Variants in AK7 observed in about 807,000 individuals in gnomAD.
AK7 encodes adenylate kinase 7.
AK7 carries 78 observed loss-of-function variants against 96.6 expected under a neutral mutation model. The observed-to-expected ratio is 0.81, with a 90% CI of 0.67 to 0.97. The LOEUF (loss-of-function observed/expected upper bound fraction) is 0.97, where lower values mean the gene tolerates loss of function less well. Ranked by LOEUF, AK7 falls within the 50% of genes least tolerant of loss-of-function variation. The pLI, the probability that AK7 is intolerant of heterozygous loss-of-function variation, is 0.00. For synonymous variants in AK7, 302 were observed against 317.2 expected (o/e 0.95, Z 0.51); for missense variants, 855 against 887.9 (o/e 0.96, Z 0.47).
rs1566792031 is a variant in AK7 at position 96,449,893 on chromosome 14, G to C, written c.948+14G>C. On this transcript the variant is annotated intron_variant, in intron 9 of 17. Coordinates refer to ENST00000267584, the MANE Select transcript of AK7 (RefSeq NM_152327.5). ...AAGGACTTAACGGTTAGTATATGCG[G>C]TGTTTTTTTTTTTTTAACTATCTTT... The C allele has an allele frequency of 5.0e-6, 7 of 1,393,950 alleles. No homozygotes were observed. In the Middle Eastern group the frequency reaches 6.3e-4, roughly 126 times the overall value. The allele number at this position is 1,393,950 out of a possible 1,614,324, so 86.3% of individuals were successfully genotyped here. A position where few individuals can be genotyped will look rare whatever the true frequency, so the allele number is the denominator to read the frequency against.
intron 2 of AK7, among the ~76,000 whole-genome samples, chr14:96,401,636 C>A (rs1890414668): frequency 6.6e-6 from 1 of 152,106 alleles, no homozygotes; most frequent in Non-Finnish European, 1.5e-5. Context: ...GCTTCAGCGG[C>A]ACATATGCTC....
Position 96,483,045 on chromosome 14 carries a change from G to A in AK7, c.1800G>A (p.Gln600=), listed in dbSNP as rs1444563657. Reference sequence around the variant, plus strand: ...CTCAGAATAGACTTGCTATCAAACAGCTCATCAAAGAGATTGGGGAGCCTC... The same window carrying A: ...CTCAGAATAGACTTGCTATCAAACAACTCATCAAAGAGATTGGGGAGCCTC... ...EDAQNRLAIK[Q]LIKEIGEPRN... Residue 600 remains glutamine (Q), a synonymous_variant, in exon 16 of 18, where the codon CAG becomes CAA. Transcript: ENST00000267584. 6 of 1,614,192 alleles carry A rather than the reference G, an allele frequency of 3.7e-6. No individual in the cohort carries two copies. Among genetic ancestry groups the A allele is most frequent in the Non-Finnish European group, 5.1e-6 (6 of 1,180,032 alleles).
At chr14:96,428,691 A>G (rs909737673) in intron 5 of AK7, among the ~76,000 whole-genome samples, 3 of 152,058 alleles carry the variant, frequency 2.0e-5, no homozygotes, top group Non-Finnish European at 4.4e-5. Context: ...TGTGGTTTTG[A>G]TTTGCATTTC....
At chr14:96,457,580 T>G (rs1566797498) in intron 11 of AK7, among the ~76,000 whole-genome samples, 1 of 152,278 alleles carries the variant, frequency 6.6e-6, no homozygotes, top group East Asian at 1.9e-4. Flanking sequence ...AAATTTAGTC[T>G]GCCTCCAGCT....
chr14:96,463,517 A>G (rs1333010854), intron 12 of AK7, among the ~76,000 whole-genome samples: 1 of 151,976 alleles, frequency 6.6e-6, no homozygotes, highest in Non-Finnish European at 1.5e-5. Flanking sequence ...CAGGAGATCG[A>G]CACCATCCTG....
chr14:96,451,249 A>G (rs1255439926), intron 9 of AK7, among the ~76,000 whole-genome samples, 172 bp from the exon 10 acceptor site: 1 of 152,224 alleles, frequency 6.6e-6, no homozygotes, highest in Non-Finnish European at 1.5e-5. Context: ...ACTGTTTAGA[A>G]GTAACGTAGT....
intron 12 of AK7, 124 bp downstream of exon 12, chr14:96,458,336 C>G: frequency 1.3e-5 from 17 of 1,288,936 alleles, no homozygotes; most frequent in Non-Finnish European, 1.7e-5. Flanking sequence ...TGGCTCATGC[C>G]TGTAATCCCA....
At position 96,472,671 on chromosome 14, in the gene AK7, T is replaced by C. The variant is rs1894963580; in HGVS notation, c.1487-16T>C. 6.3e-7 allele frequency: 1 copy of C among 1,599,406 alleles called. No homozygotes were observed. Among genetic ancestry groups the C allele is most frequent in the Admixed American group, 1.7e-5 (1 of 59,936 alleles). ...ATATATTAATAAACACAATGAGGAA[T>C]ATTTTGTTTTCTTAGAGGAAGATGA... On this transcript the variant is annotated splice_polypyrimidine_tract_variant and intron_variant, in intron 13 of 17. Transcript: ENST00000267584.
At chr14:96,400,921 C>A (rs1890372477) in intron 2 of AK7, among the ~76,000 whole-genome samples, 1 of 152,202 alleles carries the variant, frequency 6.6e-6, no homozygotes, top group Non-Finnish European at 1.5e-5. Context: ...CGAATAGTGT[C>A]TTTTATCCCG....
intron 7 of AK7, among the ~76,000 whole-genome samples, chr14:96,443,922 C>T (rs1159758077): frequency 6.6e-6 from 1 of 151,730 alleles, no homozygotes; most frequent in Non-Finnish European, 1.5e-5. Context: ...TACAGGCACC[C>T]GCCACCATGC....
At chr14:96,455,702 C>G (rs986934771) in intron 10 of AK7, among the ~76,000 whole-genome samples, 1 of 152,166 alleles carries the variant, frequency 6.6e-6, no homozygotes, top group African/African-American at 2.4e-5. Flanking sequence ...TGAGTTGTTC[C>G]TGATACATCT....
intron 12 of AK7, among the ~76,000 whole-genome samples, chr14:96,467,163 T>G (rs2140145831): frequency 6.6e-6 from 1 of 152,334 alleles, no homozygotes; most frequent in African/African-American, 2.4e-5. Context: ...GTAAAATATT[T>G]TAAACAAGTC....
chr14:96,397,087 ACT>A lies in AK7; in HGVS notation c.106-985_106-984del, dbSNP rs758222563. The stretch of plus-strand genomic sequence containing the variant: ...ACTCCAGCCTGAGCAACAGAATGAG[ACT>A]CTGTCTCAAAAAAAGAAATGTCGCT... On this transcript the variant is annotated intron_variant, in intron 1 of 17. Transcript: ENST00000267584. Among the ~76,000 whole-genome samples the A allele has an allele frequency of 6.6e-5, 10 of 152,244 alleles. No individual in the cohort carries two copies. In the South Asian group the frequency reaches 8.3e-4, roughly 13 times the overall value.
intron 14 of AK7, among the ~76,000 whole-genome samples, chr14:96,475,950 G>A (rs1260025570): frequency 6.7e-6 from 1 of 150,024 alleles, no homozygotes; most frequent in Non-Finnish European, 1.5e-5. Context: ...CGGCACTTCA[G>A]CCTGGGTGAC....
chr14:96,438,003 G>A (rs929577101), intron 6 of AK7, 88 bp downstream of exon 6: 3 of 1,214,160 alleles, frequency 2.5e-6, no homozygotes, highest in Non-Finnish European at 3.6e-6. Context: ...TGCTTTGGGT[G>A]TGGTTAGTGC....
intron 8 of AK7, among the ~76,000 whole-genome samples, chr14:96,449,397 A>C (rs757493724): frequency 1.3e-4 from 19 of 151,960 alleles, no homozygotes; most frequent in Non-Finnish European, 2.5e-4. Context: ...AAAAAATTCA[A>C]TTATGTTCAC....
intron 10 of AK7, among the ~76,000 whole-genome samples, chr14:96,452,421 C>T (rs748655014): frequency 3.3e-5 from 5 of 151,820 alleles, no homozygotes; most frequent in Non-Finnish European, 7.4e-5. Context: ...CTCCTGGGTT[C>T]AAGTGATTCT....
At chr14:96,438,000 G>T (rs1892743225) in intron 6 of AK7, 85 bp downstream of exon 6, 2 of 1,248,212 alleles carry the variant, frequency 1.6e-6, no homozygotes, top group South Asian at 1.3e-5. Flanking sequence ...GATTGCTTTG[G>T]GTGTGGTTAG....
At chr14:96,476,182 A>G (rs1280343839) in intron 14 of AK7, among the ~76,000 whole-genome samples, 1 of 152,058 alleles carries the variant, frequency 6.6e-6, no homozygotes, top group Non-Finnish European at 1.5e-5. Context: ...AGTTGTACCT[A>G]CCTGATTAAT....
Sources: allele counts gnomAD v4.1 joint callset (sites outside exome capture counted in the v4.1 genomes callset), GRCh38; gene constraint gnomAD v4.1.1; transcripts MANE v1.5; gene names NCBI Gene and HGNC (gene_info 2026-07-23, HGNC 2026-07-21).